Variants in FYB1 observed in about 807,000 individuals in gnomAD.
The protein encoded by FYB1 is FYN-binding protein 1.
Under a neutral mutation model 94.1 loss-of-function variants are expected in FYB1, and 41 were observed. That is an observed-to-expected ratio of 0.44 (90% CI 0.34 to 0.57). FYB1 has a LOEUF of 0.57. Ranked by LOEUF, FYB1 falls within the 20% of genes least tolerant of loss-of-function variation. The probability of loss-of-function intolerance (pLI) is 0.02; values close to 1 mark genes in which losing one functional copy is unlikely to be tolerated. For synonymous variants in FYB1, 367 were observed against 353.2 expected (o/e 1.04, Z -0.44); for missense variants, 1,050 against 976.8 (o/e 1.07, Z -1.00).
intron 3 of FYB1, among the ~76,000 whole-genome samples, chr5:39,144,830 T>A (rs903399502): frequency 4.0e-5 from 6 of 151,868 alleles, no homozygotes; most frequent in Admixed American, 3.9e-4. Context: ...AACAACAAAA[T>A]ACAAAACATA....
At chr5:39,251,927 G>A (rs372671385) in intron 1 of FYB1, among the ~76,000 whole-genome samples, 1 of 152,144 alleles carries the variant, frequency 6.6e-6, no homozygotes, top group African/African-American at 2.4e-5. Flanking sequence ...GGTGGATCAC[G>A]AGGTCAGGAG....
intron 1 of FYB1, among the ~76,000 whole-genome samples, chr5:39,226,154 T>G (rs976265744): frequency 3.9e-5 from 6 of 152,214 alleles, no homozygotes; most frequent in African/African-American, 1.2e-4. Flanking sequence ...CTCCTTTCTC[T>G]GACTTACATG....
intron 3 of FYB1, among the ~76,000 whole-genome samples, chr5:39,141,753 C>T (rs1277973134): frequency 6.6e-6 from 1 of 152,000 alleles, no homozygotes; most frequent in African/African-American, 2.4e-5. Flanking sequence ...ACGTCTGTAA[C>T]CCCAGCTACT....
At chr5:39,172,168 G>T (rs1353531804) in intron 2 of FYB1, among the ~76,000 whole-genome samples, 1 of 152,092 alleles carries the variant, frequency 6.6e-6, no homozygotes, top group Non-Finnish European at 1.5e-5. Context: ...AATTTTGGCC[G>T]GGTGTGGTGG....
chr5:39,173,296 A>G (rs1164240058), intron 2 of FYB1, among the ~76,000 whole-genome samples: 1 of 151,720 alleles, frequency 6.6e-6, no homozygotes, highest in African/African-American at 2.4e-5. Flanking sequence ...TTTTAATTAG[A>G]TTTTTTGCTT....
intron 2 of FYB1, among the ~76,000 whole-genome samples, chr5:39,156,688 A>G (rs1743793719): frequency 6.6e-6 from 1 of 152,218 alleles, no homozygotes; most frequent in Non-Finnish European, 1.5e-5. Context: ...TTGCATGTAT[A>G]CAAAATAATT....
chr5:39,239,321 G>A (rs753522333), intron 1 of FYB1, among the ~76,000 whole-genome samples: 12 of 152,084 alleles, frequency 7.9e-5, no homozygotes, highest in Non-Finnish European at 1.6e-4. Context: ...GAGCAATCAG[G>A]CAAGAGAAAG....
At chr5:39,230,708 T>G (rs920357538) in intron 1 of FYB1, among the ~76,000 whole-genome samples, 1 of 152,052 alleles carries the variant, frequency 6.6e-6, no homozygotes, top group African/African-American at 2.4e-5. Context: ...TGAATTGGCC[T>G]TACCTAGACA....
intron 1 of FYB1, among the ~76,000 whole-genome samples, chr5:39,242,039 A>T (rs936158756): frequency 1.4e-4 from 22 of 152,156 alleles, no homozygotes; most frequent in African/African-American, 5.3e-4. Flanking sequence ...TACATGTTTC[A>T]TTCCAGGAAC....
At chr5:39,273,875 A>C (rs899032288) in intron 1 of FYB1, among the ~76,000 whole-genome samples, 1 of 152,138 alleles carries the variant, frequency 6.6e-6, no homozygotes, top group Non-Finnish European at 1.5e-5. Context: ...AAATTTGAGT[A>C]ATATTAATGA....
At chr5:39,245,159 G>A (rs1435963712) in intron 1 of FYB1, among the ~76,000 whole-genome samples, 1 of 152,132 alleles carries the variant, frequency 6.6e-6, no homozygotes, top group Non-Finnish European at 1.5e-5. Context: ...AAAAAAGTGT[G>A]TGTGTAGGAG....
chr5:39,210,390 G>T (rs985928672), intron 1 of FYB1, among the ~76,000 whole-genome samples: 38 of 152,210 alleles, frequency 2.5e-4, no homozygotes, highest in Non-Finnish European at 8.8e-5. Flanking sequence ...TGATGATCCG[G>T]ATCCTTCTCC....
chr5:39,113,066 C>G (rs1221288642), intron 16 of FYB1, among the ~76,000 whole-genome samples: 4 of 152,042 alleles, frequency 2.6e-5, no homozygotes, highest in Admixed American at 1.3e-4. Context: ...TGTCTAGTAC[C>G]TTTAAAAATC....
chr5:39,149,489 G>A (rs1008504867), intron 3 of FYB1, among the ~76,000 whole-genome samples: 9 of 152,124 alleles, frequency 5.9e-5, no homozygotes, highest in African/African-American at 1.9e-4. Context: ...CTACAAAAGT[G>A]CTGTTATTTC....
chr5:39,124,462 A>G, intron 12 of FYB1, 184 bp from the exon 13 acceptor site: 1 of 494,772 alleles, frequency 2.0e-6, no homozygotes, highest in Non-Finnish European at 3.6e-6. Context: ...ATCAATTTGG[A>G]ACTTAGCAAG....
intron 2 of FYB1, chr5:39,169,102 G>T: frequency 1.6e-6 from 1 of 637,022 alleles, no homozygotes; most frequent in South Asian, 1.7e-5. Flanking sequence ...AGCTTGTAGT[G>T]ATAAAATAAT....
At chr5:39,173,019 T>C (rs1184196665) in intron 2 of FYB1, among the ~76,000 whole-genome samples, 1 of 152,102 alleles carries the variant, frequency 6.6e-6, no homozygotes, top group Non-Finnish European at 1.5e-5. Context: ...CTTTGAGGAG[T>C]CTCCAAGCTA....
chr5:39,238,902 G>T lies in FYB1; in HGVS notation c.-28+35501C>A, dbSNP rs145644251. Among the ~76,000 whole-genome samples the T allele has an allele frequency of 2.7e-3, 414 of 152,126 alleles. 2 individuals are homozygous for T. Among genetic ancestry groups the T allele is most frequent in the Middle Eastern group, 0.01 (3 of 294 alleles). The stretch of plus-strand genomic sequence containing the variant: ...CTCTTTGTGTGTGAGAACATGCTGG[G>T]TATTTCTGCACATGCCAGTGTGCCT... On this transcript the variant is annotated intron_variant, in intron 1 of 1. Transcript: ENST00000510188.
At chr5:39,219,082 T>G (rs1294100966) in intron 1 of FYB1, among the ~76,000 whole-genome samples, 1 of 152,204 alleles carries the variant, frequency 6.6e-6, no homozygotes, top group Non-Finnish European at 1.5e-5. Flanking sequence ...ATAAACCATC[T>G]GTGCCCAGCT....
Sources: gnomAD v4.1 joint callset for allele counts (sites outside exome capture counted in the v4.1 genomes callset) on GRCh38, gnomAD v4.1.1 for gene constraint, MANE v1.5 for transcripts, NCBI Gene and HGNC (gene_info 2026-07-23, HGNC 2026-07-21) for gene names.